Variants in FGF12 observed in about 807,000 individuals in gnomAD.
The protein encoded by FGF12 is fibroblast growth factor 12.
FGF12 carries 14 observed loss-of-function variants against 23.6 expected under a neutral mutation model. That is an observed-to-expected ratio of 0.59 (90% confidence interval 0.39 to 0.93). The LOEUF (loss-of-function observed/expected upper bound fraction) is 0.93, where lower values mean the gene tolerates loss of function less well. FGF12 is among the 40% of genes least tolerant of loss of function. The probability of loss-of-function intolerance (pLI) is 0.00; values close to 1 mark genes in which losing one functional copy is unlikely to be tolerated. For missense variants in FGF12, 175 were observed against 217.8 expected, an observed-to-expected ratio of 0.80 and a Z score of 1.24; for synonymous variants, 62 against 77.3, an observed-to-expected ratio of 0.80 and a Z score of 1.04.
At chr3:192,613,081 T>A (rs1022157224) in intron 2 of FGF12, among the ~76,000 whole-genome samples, 2 of 151,864 alleles carry the variant, frequency 1.3e-5, no homozygotes, top group East Asian at 3.9e-4. Flanking sequence ...TATTTACCAT[T>A]TTTTTTCTGA....
At chr3:192,720,408 G>T (rs11719989) in intron 2 of FGF12, among the ~76,000 whole-genome samples, 2,777 of 152,298 alleles carry the variant, frequency 0.018, 38 homozygotes, top group Non-Finnish European at 0.028. Context: ...CGGCCTCCCT[G>T]GGTGGGAGTC....
At chr3:192,424,930 T>C (rs1183657731) in intron 2 of FGF12, among the ~76,000 whole-genome samples, 3 of 152,230 alleles carry the variant, frequency 2.0e-5, no homozygotes, top group Non-Finnish European at 4.4e-5. Context: ...TAAAATATGA[T>C]ACATCCTACA....
At chr3:192,674,682 C>A (rs1717259635) in intron 2 of FGF12, among the ~76,000 whole-genome samples, 1 of 152,192 alleles carries the variant, frequency 6.6e-6, no homozygotes, top group African/African-American at 2.4e-5. Context: ...TCTAAAAATT[C>A]TCAAAGGTGA....
At chr3:192,386,771 C>A (rs1442021572) in intron 2 of FGF12, among the ~76,000 whole-genome samples, 1 of 151,956 alleles carries the variant, frequency 6.6e-6, no homozygotes, top group Non-Finnish European at 1.5e-5. Flanking sequence ...TTCTGACCTA[C>A]CTAATAAAAA....
intron 4 of FGF12, among the ~76,000 whole-genome samples, chr3:192,308,962 G>A (rs1226794012): frequency 6.6e-6 from 1 of 152,106 alleles, no homozygotes; most frequent in South Asian, 2.1e-4. Context: ...AACATGTTTT[G>A]TAAATATACA....
In FGF12 at chr3:192,141,929, C is replaced by CT. The variant is rs938366690; in HGVS notation, c.*2079dup. 3.5e-3 allele frequency: 491 copies of CT among 139,438 alleles called. 4 individuals carry two copies. The highest frequency in any genetic ancestry group is 0.01 in the African/African-American group (384 of 38,040). The allele number at this position is 139,438 out of a possible 1,614,324, so 8.6% of individuals were successfully genotyped here. A position where few individuals can be genotyped will look rare whatever the true frequency, so the allele number is the denominator to read the frequency against. On this transcript the variant is annotated 3_prime_UTR_variant, in exon 6 of 6. Coordinates refer to ENST00000445105, the MANE Select transcript of FGF12 (RefSeq NM_004113.6). Reference sequence around the variant, plus strand: ...TAAGCTTTGTGCTTGGGATTTTTTTCTTTTTTTTTTTGGTTCTGGTAGTGA... The same window carrying CT: ...TAAGCTTTGTGCTTGGGATTTTTTTCTTTTTTTTTTTTGGTTCTGGTAGTGA...
Position 192,298,329 on chromosome 3 carries a change from GACA to G in FGF12, c.228+37029_228+37031del, listed in dbSNP as rs545687048. ...TAAGTGAAAAATGAAGATGATTAAA[GACA>G]ACAATAGAAGAACAGGAAGGTCGGA... On this transcript the variant is annotated intron_variant, in intron 4 of 5. Coordinates refer to ENST00000445105, the MANE Select transcript of FGF12 (RefSeq NM_004113.6). Among the ~76,000 whole-genome samples the G allele has an allele frequency of 6.0e-4, 92 of 152,276 alleles. 1 individual carries two copies. The highest frequency in any genetic ancestry group is 2.1e-3 in the African/African-American group (88 of 41,548).
At chr3:192,411,019 G>A (rs1053049270) in intron 2 of FGF12, among the ~76,000 whole-genome samples, 3 of 152,118 alleles carry the variant, frequency 2.0e-5, no homozygotes, top group South Asian at 2.1e-4. Flanking sequence ...AGGATAGTGC[G>A]AAAGGATTAA....
intron 4 of FGF12, among the ~76,000 whole-genome samples, chr3:192,235,478 C>A (rs1719242212): frequency 6.6e-6 from 1 of 152,110 alleles, no homozygotes; most frequent in Admixed American, 6.5e-5. Context: ...TGCATGCCAC[C>A]ACACCCAGCT....
chr3:192,366,702 A>T (rs1005493806), intron 2 of FGF12, among the ~76,000 whole-genome samples: 2 of 152,144 alleles, frequency 1.3e-5, no homozygotes, highest in Admixed American at 1.3e-4. Flanking sequence ...AGCCAAATAA[A>T]GAGGGTATAA....
intron 4 of FGF12, among the ~76,000 whole-genome samples, chr3:192,222,374 A>G (rs1445981688): frequency 2.6e-5 from 4 of 152,216 alleles, no homozygotes. Flanking sequence ...CAGTTTCCAT[A>G]TCAGACACCT....
chr3:192,674,418 A>G (rs1352191764), intron 2 of FGF12, among the ~76,000 whole-genome samples: 2 of 152,180 alleles, frequency 1.3e-5, no homozygotes, highest in African/African-American at 4.8e-5. Flanking sequence ...AAAATGATAA[A>G]CAAATGACTA....
chr3:192,408,252 G>C lies in FGF12; in HGVS notation c.14-47714C>G. ...TGCTCAGCGAGGGCCTCAGGCCCCA[G>C]CCTCTACTGCGCCCTCCGGCTTGCG... On this transcript the variant is annotated intron_variant, in intron 2 of 5. Coordinates refer to ENST00000445105, the MANE Select transcript of FGF12 (RefSeq NM_004113.6). The surrounding 1 kb of genome is among the most constrained non-coding windows in gnomAD (Gnocchi z 7.3). 6.4e-7 allele frequency: 1 copy of C among 1,565,144 alleles called. No individual in the cohort carries two copies. Among genetic ancestry groups the C allele is most frequent in the Non-Finnish European group, 8.6e-7 (1 of 1,159,718 alleles).
intron 5 of FGF12, among the ~76,000 whole-genome samples, chr3:192,163,973 A>G (rs1715020218): frequency 6.6e-6 from 1 of 152,076 alleles, no homozygotes; most frequent in South Asian, 2.1e-4. Flanking sequence ...TTATTTGGAA[A>G]TATATTTATT....
intron 4 of FGF12, among the ~76,000 whole-genome samples, chr3:192,332,594 T>A (rs144875343): frequency 6.6e-6 from 1 of 152,256 alleles, no homozygotes; most frequent in Non-Finnish European, 1.5e-5. Context: ...CACTCTCTCC[T>A]CCTGCTTCCT....
chr3:192,420,281 TA>T (rs1721482382), intron 2 of FGF12, among the ~76,000 whole-genome samples: 2 of 151,736 alleles, frequency 1.3e-5, no homozygotes, highest in African/African-American at 4.8e-5. Flanking sequence ...GTTAGGCTCA[TA>T]TTAGAGAGTG....
At chr3:192,212,734 T>C (rs1422696379) in intron 4 of FGF12, among the ~76,000 whole-genome samples, 1 of 149,384 alleles carries the variant, frequency 6.7e-6, no homozygotes, top group Non-Finnish European at 1.5e-5. Flanking sequence ...TGTGGCATCC[T>C]GGAGACTGAG....
intron 4 of FGF12, among the ~76,000 whole-genome samples, chr3:192,191,058 A>G (rs2108647607): frequency 6.6e-6 from 1 of 152,328 alleles, no homozygotes; most frequent in African/African-American, 2.4e-5. Context: ...TATTGTAAGG[A>G]CACCTCTGTA....
chr3:192,526,405 T>C (rs1724946661), intron 2 of FGF12, among the ~76,000 whole-genome samples: 1 of 152,230 alleles, frequency 6.6e-6, no homozygotes. Flanking sequence ...CATGATTTTA[T>C]GGTGTCTAAA....
Sources: gnomAD v4.1 joint callset for allele counts (sites outside exome capture counted in the v4.1 genomes callset) on GRCh38, gnomAD v4.1.1 for gene constraint, Gnocchi (gnomAD v3.1) non-coding constraint, MANE v1.5 for transcripts, NCBI Gene and HGNC (gene_info 2026-07-23, HGNC 2026-07-21) for gene names.